Variants in CEP295 observed in about 807,000 individuals in gnomAD.
The protein encoded by CEP295 is centrosomal protein 295, also known as centrosomal protein of 295 kDa.
In CEP295, 190 loss-of-function variants were observed where a neutral mutation model predicts 291.6. That is an observed-to-expected ratio of 0.65 (90% CI 0.58 to 0.73). The LOEUF (loss-of-function observed/expected upper bound fraction) is 0.73. Ranked by LOEUF, CEP295 falls within the 30% of genes least tolerant of loss-of-function variation. The probability of loss-of-function intolerance (pLI) is 0.00; values close to 1 mark genes in which losing one functional copy is unlikely to be tolerated. For synonymous variants in CEP295, 993 were observed against 1,038.8 expected (o/e 0.96, Z 0.85); for missense variants, 2,863 against 2,949.4 (o/e 0.97, Z 0.68).
Position 93,730,177 on chromosome 11 carries a change from A to G in CEP295, c.7767+29A>G, listed in dbSNP as rs1175211639. 5.2e-6 allele frequency: 8 copies of G among 1,551,054 alleles called. No homozygotes were observed. In the East Asian group the frequency reaches 2.0e-4, roughly 38 times the overall value. On this transcript the variant is annotated intron_variant, in intron 29 of 29. Coordinates refer to ENST00000325212, the MANE Select transcript of CEP295 (RefSeq NM_033395.2). ...AGTATAACTGAGGGAGAAGGACTTA[A>G]TTTTTCAAGCATGAAGTACACAACT...
intron 12 of CEP295, among the ~76,000 whole-genome samples, chr11:93,693,255 C>T (rs866715624): frequency 2.6e-5 from 4 of 151,332 alleles, no homozygotes; most frequent in South Asian, 2.1e-4. Context: ...CCAGCCTGGG[C>T]GACAGAGCCA....
chr11:93,724,306 A>G lies in CEP295; in HGVS notation c.6249A>G (p.Glu2083=). ...ATCATCAGCTGTTTAAACCCTTAGA[A>G]CCACATCCAGATTTTGACTTATCAT... ...NLHHQLFKPL[E]PHPDFDLSSS... is the part of the protein sequence containing the mutation. Residue 2083 remains glutamate (E), a synonymous_variant, in exon 22 of 30, where the codon GAA becomes GAG. Coordinates refer to ENST00000325212, the MANE Select transcript of CEP295 (RefSeq NM_033395.2). 1 of 1,550,686 alleles carries G rather than the reference A, an allele frequency of 6.4e-7. No individual in the cohort carries two copies. The highest frequency in any genetic ancestry group is 8.7e-7 in the Non-Finnish European group (1 of 1,146,058).
At chr11:93,706,512 G>GTAT (rs1309680004) in intron 17 of CEP295, among the ~76,000 whole-genome samples, 1 of 152,036 alleles carries the variant, frequency 6.6e-6, no homozygotes, top group Admixed American at 6.5e-5. Flanking sequence ...AATTTTCTTT[G>GTAT]TGATTAGTCA....
In CEP295 at chr11:93,729,531, G is replaced by A; in HGVS notation, c.7399+1G>A. The A allele has an allele frequency of 6.4e-7, 1 of 1,551,278 alleles. No individual in the cohort carries two copies. The highest frequency in any genetic ancestry group is 1.4e-5 in the African/African-American group (1 of 73,172). ...GAAAAACCAAGGACAGCATCTACAG[G>A]TAAGCCTTGGACGGCCTCCACACTT... On this transcript the variant is annotated splice_donor_variant, in intron 26 of 29. Coordinates refer to ENST00000325212, the MANE Select transcript of CEP295 (RefSeq NM_033395.2). LOFTEE classifies it high-confidence loss of function.
chr11:93,667,047 G>T (rs1216306132), intron 2 of CEP295, among the ~76,000 whole-genome samples: 1 of 152,196 alleles, frequency 6.6e-6, no homozygotes, highest in African/African-American at 2.4e-5. Context: ...ATTGAAAATA[G>T]CTCTTTATCT....
chr11:93,698,711 GAGAA>G lies in CEP295; in HGVS notation c.3804_3807del (p.Glu1269ProfsTer34), dbSNP rs1364216383. On this transcript the variant is annotated frameshift_variant, in exon 15 of 30. Coordinates refer to ENST00000325212, the MANE Select transcript of CEP295 (RefSeq NM_033395.2). LOFTEE classifies it high-confidence loss of function. ...GGAACACCAAGCATGGCTAGACACT[GAGAA>G]AGAAGCCTTTCATTTCAGCCAGAAA... 2 of 1,551,326 alleles carry G rather than the reference GAGAA, an allele frequency of 1.3e-6. No homozygotes were observed. The highest frequency in any genetic ancestry group is 8.7e-7 in the Non-Finnish European group (1 of 1,147,046).
chr11:93,696,779 A>G lies in CEP295; in HGVS notation c.1867A>G (p.Ile623Val). ...RCPSVSAPSL[I>V]TDSVISVPSW... ...CCCATCGGTGTCAGCTCCATCATTGATAACTGATTCTGTTATATCAGTGCC... is the reference window on the plus strand; with the variant it reads ...CCCATCGGTGTCAGCTCCATCATTGGTAACTGATTCTGTTATATCAGTGCC... Residue 623 changes from isoleucine (I) to valine (V), a missense_variant, in exon 15 of 30, where the codon ATA (isoleucine) becomes GTA (valine). Ile to Val is a conservative substitution (Grantham distance 29). Transcript: ENST00000325212. The G allele has an allele frequency of 2.6e-6, 4 of 1,551,586 alleles. No individual in the cohort carries two copies. The highest frequency in any genetic ancestry group is 3.5e-6 in the Non-Finnish European group (4 of 1,146,858).
rs139360199 is a variant in CEP295 at position 93,685,774 on chromosome 11, G to A, written c.1114+1646G>A. On this transcript the variant is annotated intron_variant, in intron 9 of 29. Coordinates refer to ENST00000325212, the MANE Select transcript of CEP295 (RefSeq NM_033395.2). ...TGCCCAGGCTGGAGTGCAGTGGCAC[G>A]ATCTTGGCTCACCACAACCTCCACC... is the stretch of plus-strand genomic sequence containing the variant. 3.3e-3 allele frequency among the ~76,000 whole-genome samples: 501 copies of A among 152,190 alleles called. 10 individuals are homozygous for A. In the East Asian group the frequency reaches 0.051, roughly 16 times the overall value.
At chr11:93,730,015 T>C in intron 28 of CEP295, 34 bp from the exon 29 acceptor site, 1 of 1,507,408 alleles carries the variant, frequency 6.6e-7, no homozygotes, top group South Asian at 1.3e-5. Flanking sequence ...CTTTTTGCAG[T>C]GTTTGTCTCT....
intron 12 of CEP295, among the ~76,000 whole-genome samples, chr11:93,693,834 G>A (rs1470426517): frequency 6.6e-6 from 1 of 152,248 alleles, no homozygotes; most frequent in Non-Finnish European, 1.5e-5. Context: ...TTTCTGTGAT[G>A]ATGGAAATGT....
chr11:93,708,093 G>T (rs1952639442), intron 18 of CEP295, among the ~76,000 whole-genome samples: 1 of 152,066 alleles, frequency 6.6e-6, no homozygotes, highest in South Asian at 2.1e-4. Flanking sequence ...ATATGGGATA[G>T]TTTGATACTG....
At chr11:93,695,701 T>G in intron 13 of CEP295, 67 bp downstream of exon 13, 1 of 1,456,798 alleles carries the variant, frequency 6.9e-7, no homozygotes, top group Non-Finnish European at 8.9e-7. Context: ...ATATGAGCAC[T>G]TGTAGCGTTT....
intron 9 of CEP295, among the ~76,000 whole-genome samples, chr11:93,686,275 C>T (rs1951232993): frequency 1.3e-5 from 2 of 151,346 alleles, no homozygotes; most frequent in South Asian, 2.1e-4. Flanking sequence ...GCCGAAACCA[C>T]ACCACTGCAC....
In CEP295 at chr11:93,729,791, A is replaced by C. The variant is rs12277129; in HGVS notation, c.7567+10A>C. 2.6e-6 allele frequency: 4 copies of C among 1,537,174 alleles called. No homozygotes were observed. In the East Asian group the frequency reaches 9.8e-5, roughly 38 times the overall value. ...GAGAAACCATCTATAAGTATGTTGA[A>C]TTTTTAAAATCTTCAACCAACTCCC... On this transcript the variant is annotated intron_variant, in intron 27 of 29. Transcript: ENST00000325212.
Position 93,702,533 on chromosome 11 carries a change from C to A in CEP295, c.5348C>A (p.Thr1783Lys). ...MGQLRDWFPN[T>K]QDLAGNDQEN... is the part of the protein sequence containing the mutation. ...CAGCTCAGAGACTGGTTTCCTAATA[C>A]ACAAGACCTAGCAGGAAATGATCAA... Residue 1783 changes from threonine (T) to lysine (K), a missense_variant, in exon 16 of 30, where the codon ACA becomes AAA. By Grantham distance (78) the Thr-to-Lys change is moderately conservative. This residue lies in a region of CEP295 where 2,295 missense variants were observed against 2,335.7 expected (regional missense o/e 0.98). Coordinates refer to ENST00000325212, the MANE Select transcript of CEP295 (RefSeq NM_033395.2). The A allele has an allele frequency of 6.4e-7, 1 of 1,550,922 alleles. No individual in the cohort carries two copies. Among genetic ancestry groups the A allele is most frequent in the Non-Finnish European group, 8.7e-7 (1 of 1,146,492 alleles).
chr11:93,666,898 T>C (rs578194797), intron 2 of CEP295, 83 bp downstream of exon 2: 1 of 803,390 alleles, frequency 1.2e-6, no homozygotes, highest in South Asian at 1.9e-5. Context: ...GTTCTAAATG[T>C]TGTATTTAAA....
At position 93,724,348 on chromosome 11, in the gene CEP295, T is replaced by C; in HGVS notation, c.6291T>C (p.Ile2097=). The part of the protein sequence containing the change: ...DFDLSSSSSG[I]SPDNRDFYQR... ...ACTTATCATCATCATCCTCTGGGATTTCTCCAGACAACAGAGACTTTTACC... is the reference window on the plus strand; with the variant it reads ...ACTTATCATCATCATCCTCTGGGATCTCTCCAGACAACAGAGACTTTTACC... Residue 2097 remains isoleucine, a synonymous_variant, in exon 22 of 30, where the codon ATT becomes ATC. Transcript: ENST00000325212. 6.5e-7 allele frequency: 1 copy of C among 1,550,188 alleles called. No individual in the cohort carries two copies. The highest frequency in any genetic ancestry group is 8.7e-7 in the Non-Finnish European group (1 of 1,145,572).
At chr11:93,685,035 G>C (rs1160673300) in intron 9 of CEP295, among the ~76,000 whole-genome samples, 1 of 152,152 alleles carries the variant, frequency 6.6e-6, no homozygotes, top group African/African-American at 2.4e-5. Context: ...ATAAATTTAT[G>C]ATCTTCTCTT....
intron 15 of CEP295, 74 bp downstream of exon 15, chr11:93,700,260 A>G (rs1170578446): frequency 8.0e-7 from 1 of 1,254,084 alleles, no homozygotes; most frequent in African/African-American, 1.5e-5. Flanking sequence ...CTAGGATTAC[A>G]AGTTTTCAGT....
Sources: gnomAD v4.1 joint callset for allele counts (sites outside exome capture counted in the v4.1 genomes callset) on GRCh38, gnomAD v4.1.1 for gene constraint, gnomAD v4.1.1 regional missense constraint, MANE v1.5 for transcripts, NCBI Gene and HGNC (gene_info 2026-07-23, HGNC 2026-07-21) for gene names.